DTWD2: variants seen among roughly 807,000 people sequenced by gnomAD.
DTWD2 encodes tRNA-uridine aminocarboxypropyltransferase 2.
A neutral mutation model predicts 31.8 loss-of-function variants in DTWD2; 39 were observed. The observed-to-expected ratio is 1.22, with a 90% CI of 0.95 to 1.60. DTWD2 has a LOEUF of 1.60. DTWD2 is among the 40% of genes most tolerant of loss of function. DTWD2 has a pLI of 0.00. For synonymous variants in DTWD2, 180 were observed against 142.8 expected (o/e 1.26, Z -1.86); for missense variants, 515 against 381.5 (o/e 1.35, Z -2.92).
chr5:118,855,492 G>C (rs1266779953), intron 4 of DTWD2, among the ~76,000 whole-genome samples: 1 of 151,650 alleles, frequency 6.6e-6, no homozygotes, highest in African/African-American at 2.4e-5. Flanking sequence ...CATATAAATG[G>C]ATACCAAGTA....
chr5:118,884,537 C>CT (rs1403825322), intron 4 of DTWD2, among the ~76,000 whole-genome samples: 12 of 152,298 alleles, frequency 7.9e-5, no homozygotes, highest in Admixed American at 4.6e-4. Flanking sequence ...GTACAGGGTA[C>CT]TGTACTTTAC....
intron 4 of DTWD2, among the ~76,000 whole-genome samples, chr5:118,917,703 G>A (rs980863617): frequency 2.6e-5 from 4 of 152,192 alleles, no homozygotes; most frequent in Non-Finnish European, 5.9e-5. Context: ...CGGGCACAGT[G>A]GCTCATGCCT....
At chr5:118,843,351 G>GAGGGAGGA (rs112226350) in intron 5 of DTWD2, among the ~76,000 whole-genome samples, 12 of 150,906 alleles carry the variant, frequency 8.0e-5, no homozygotes, top group South Asian at 2.1e-4. Context: ...GGGAGGCAGG[G>GAGGGAGGA]AGGGAGGAAG....
chr5:118,946,326 T>C (rs1754338334), intron 1 of DTWD2, among the ~76,000 whole-genome samples: 1 of 152,174 alleles, frequency 6.6e-6, no homozygotes, highest in Non-Finnish European at 1.5e-5. Context: ...ATGGAAAGTC[T>C]TTCTGTGGTC....
intron 4 of DTWD2, among the ~76,000 whole-genome samples, chr5:118,924,153 G>A (rs1267890785): frequency 6.6e-6 from 1 of 152,124 alleles, no homozygotes; most frequent in African/African-American, 2.4e-5. Flanking sequence ...CCTCTAACCG[G>A]TCCAGGTCTC....
chr5:118,961,135 C>A (rs148797130), intron 1 of DTWD2, among the ~76,000 whole-genome samples: 174 of 152,082 alleles, frequency 1.1e-3, no homozygotes, highest in African/African-American at 3.9e-3. Context: ...AGGCCAGATG[C>A]CTAGAGAACA....
At chr5:118,876,893 G>A (rs551964461) in intron 4 of DTWD2, among the ~76,000 whole-genome samples, 5 of 152,236 alleles carry the variant, frequency 3.3e-5, no homozygotes, top group South Asian at 4.1e-4. Flanking sequence ...CAGCATCATC[G>A]TGATACCAAA....
chr5:118,895,054 G>A (rs529789863), intron 4 of DTWD2, among the ~76,000 whole-genome samples: 59 of 152,068 alleles, frequency 3.9e-4, no homozygotes, highest in African/African-American at 1.3e-3. Flanking sequence ...AAACTGAAAA[G>A]GAAAAAGTCA....
chr5:118,850,477 CAAAAAAAAA>C (rs34808087), intron 4 of DTWD2, among the ~76,000 whole-genome samples: 629 of 30,432 alleles, frequency 0.021, 2 homozygotes, highest in African/African-American at 0.057. Context: ...GACCCCACCA[CAAAAAAAAA>C]AAAAAAAAAA....
chr5:118,906,748 A>G (rs943564259), intron 4 of DTWD2, among the ~76,000 whole-genome samples: 1 of 152,166 alleles, frequency 6.6e-6, no homozygotes, highest in African/African-American at 2.4e-5. Flanking sequence ...GGAGCAACGG[A>G]TATCTTCATT....
At chr5:118,959,549 C>T (rs534974971) in intron 1 of DTWD2, among the ~76,000 whole-genome samples, 57 of 152,236 alleles carry the variant, frequency 3.7e-4, no homozygotes, top group Non-Finnish European at 5.7e-4. Flanking sequence ...AGATTCAATC[C>T]TATTTCTATC....
rs570738968 is a variant in DTWD2, at chr5:118,987,498, T to C, written c.218+796A>G. ...CCCCTGGCTGGATTCTTCTCATCTT[T>C]CAAATCTCAGAGATAGTTCATGACA... On this transcript the variant is annotated intron_variant, in intron 1 of 5. Coordinates refer to ENST00000510708, the MANE Select transcript of DTWD2 (RefSeq NM_173666.4). 2.0e-5 allele frequency among the ~76,000 whole-genome samples: 3 copies of C among 152,344 alleles called. No individual in the cohort carries two copies. The South Asian group carries it at 6.2e-4, about 32-fold the overall frequency.
chr5:118,915,165 C>A (rs149459046), intron 4 of DTWD2, among the ~76,000 whole-genome samples: 1 of 152,076 alleles, frequency 6.6e-6, no homozygotes, highest in Non-Finnish European at 1.5e-5. Context: ...TGCAGTGACC[C>A]AAGACAGGGC....
At chr5:118,973,266 C>T (rs1580449077) in intron 1 of DTWD2, among the ~76,000 whole-genome samples, 1 of 152,096 alleles carries the variant, frequency 6.6e-6, no homozygotes, top group Non-Finnish European at 1.5e-5. Flanking sequence ...TGAAGGTTAA[C>T]GTTGTTACGT....
At chr5:118,870,274 T>C (rs966745739) in intron 4 of DTWD2, among the ~76,000 whole-genome samples, 1 of 152,248 alleles carries the variant, frequency 6.6e-6, no homozygotes, top group South Asian at 2.1e-4. Flanking sequence ...ACTATAGCAC[T>C]GCTTACATAA....
intron 1 of DTWD2, among the ~76,000 whole-genome samples, chr5:118,961,486 T>C (rs1351461319): frequency 1.3e-5 from 2 of 151,484 alleles, no homozygotes; most frequent in Admixed American, 1.3e-4. Context: ...ATTTTTGTAT[T>C]ATCCCAGCTG....
intron 1 of DTWD2, among the ~76,000 whole-genome samples, chr5:118,961,009 C>A (rs1306237367): frequency 1.3e-5 from 2 of 151,884 alleles, no homozygotes; most frequent in Non-Finnish European, 1.5e-5. Context: ...ATAATATGTA[C>A]ATAAAACCCC....
chr5:118,920,526 C>A (rs953987226), intron 4 of DTWD2, among the ~76,000 whole-genome samples: 2 of 151,966 alleles, frequency 1.3e-5, no homozygotes, highest in South Asian at 4.2e-4. Context: ...GTTGAAATAC[C>A]TAGATTAAGA....
At chr5:118,949,476 G>C (rs982895619) in intron 1 of DTWD2, among the ~76,000 whole-genome samples, 34 of 152,230 alleles carry the variant, frequency 2.2e-4, no homozygotes. Flanking sequence ...CAATTTGGTT[G>C]ATAAGGCATA....
Sources: gnomAD v4.1 joint callset for allele counts (sites outside exome capture counted in the v4.1 genomes callset) on GRCh38, gnomAD v4.1.1 for gene constraint, MANE v1.5 for transcripts, NCBI Gene and HGNC (gene_info 2026-07-23, HGNC 2026-07-21) for gene names.